The following NLK variants were observed in gnomAD, a reference collection of about 807,000 sequenced individuals.
NLK encodes serine/threonine-protein kinase NLK.
A neutral mutation model predicts 59.0 loss-of-function variants in NLK; 11 were observed. The observed-to-expected ratio is 0.19, with a 90% CI of 0.12 to 0.31. The LOEUF (loss-of-function observed/expected upper bound fraction) is 0.31, where lower values mean the gene tolerates loss of function less well. NLK is among the 10% of genes least tolerant of loss of function. The pLI is 1.00. For missense variants in NLK, 410 were observed against 661.1 expected (o/e 0.62, Z 4.16); for synonymous variants, 235 against 235.9 (o/e 1.00, Z 0.03).
intron 3 of NLK, among the ~76,000 whole-genome samples, chr17:28,159,146 T>A (rs577265047): frequency 6.6e-6 from 1 of 152,060 alleles, no homozygotes; most frequent in South Asian, 2.1e-4. Context: ...AAGGTTGGAG[T>A]GTATCTAGCA....
intron 3 of NLK, among the ~76,000 whole-genome samples, chr17:28,154,590 C>T (rs867535141): frequency 6.6e-6 from 1 of 152,004 alleles, no homozygotes; most frequent in African/African-American, 2.4e-5. Context: ...AAATGGAGTA[C>T]TATTTAAGCA....
chr17:28,120,886 A>T (rs1309681910), intron 1 of NLK, among the ~76,000 whole-genome samples: 3 of 152,216 alleles, frequency 2.0e-5, no homozygotes, highest in Admixed American at 1.3e-4. Flanking sequence ...AAGCAATTTG[A>T]TGAGTGTCTG....
chr17:28,065,335 AG>A lies in NLK; in HGVS notation c.458+22007del, dbSNP rs942025718. Among the ~76,000 whole-genome samples the A allele has an allele frequency of 9.2e-5, 14 of 152,100 alleles. No homozygotes were observed. In the South Asian group the frequency reaches 2.9e-3, roughly 32 times the overall value. On this transcript the variant is annotated intron_variant, in intron 1 of 10. Transcript: ENST00000407008. ...TGATGATGACAGGGGATGAGGGAGA[AG>A]GGCAGCTCAAGCAGAGGGAATTTCA... is the stretch of plus-strand genomic sequence containing the variant.
At chr17:28,190,811 A>G in intron 8 of NLK, 1 of 458,804 alleles carries the variant, frequency 2.2e-6, no homozygotes, top group African/African-American at 2.0e-5. Context: ...GTACTTTGTG[A>G]TGGTAGATAA....
At chr17:28,050,258 A>T (rs1909201133) in intron 1 of NLK, among the ~76,000 whole-genome samples, 1 of 152,150 alleles carries the variant, frequency 6.6e-6, no homozygotes, top group African/African-American at 2.4e-5. Context: ...AGAGTCAACC[A>T]ATGGGGAAGG....
At chr17:28,052,440 C>T (rs1028700402) in intron 1 of NLK, among the ~76,000 whole-genome samples, 1 of 152,088 alleles carries the variant, frequency 6.6e-6, no homozygotes, top group Non-Finnish European at 1.5e-5. Flanking sequence ...GTGGGCCTCC[C>T]AGAAAATGAG....
intron 3 of NLK, among the ~76,000 whole-genome samples, chr17:28,158,134 G>C (rs1019660270): frequency 1.6e-4 from 24 of 152,304 alleles, no homozygotes; most frequent in African/African-American, 5.5e-4. Flanking sequence ...CACAAACCTA[G>C]ATGGTATAGC....
At chr17:28,109,982 A>C (rs1905391307) in intron 1 of NLK, among the ~76,000 whole-genome samples, 2 of 152,216 alleles carry the variant, frequency 1.3e-5, no homozygotes, top group Admixed American at 1.3e-4. Flanking sequence ...GATTACATTG[A>C]ATCTATAAGT....
intron 1 of NLK, among the ~76,000 whole-genome samples, chr17:28,090,620 G>C (rs1216496350): frequency 6.6e-6 from 1 of 152,014 alleles, no homozygotes; most frequent in Non-Finnish European, 1.5e-5. Context: ...ACTTTGGGAG[G>C]CCGAGAGGTG....
At chr17:28,199,665 C>CAAAAAAAAAAAAAAAAAAAAAAAAAA (rs1303411168), downstream of NLK, among the ~76,000 whole-genome samples, 9 of 33,564 alleles carry the variant, frequency 2.7e-4, no homozygotes, top group Admixed American at 4.5e-4. Flanking sequence ...GACTCTGTCT[C>CAAAAAAAAAAAAAAAAAAAAAAAAAA]AAAAAAAAAA....
intron 10 of NLK, 93 bp from the exon 11 acceptor site, chr17:28,194,489 T>G: frequency 1.2e-6 from 1 of 854,222 alleles, no homozygotes; most frequent in Non-Finnish European, 1.8e-6. Context: ...GAATTAATTT[T>G]TTCAGAGGAA....
intron 1 of NLK, 28 bp from the exon 2 acceptor site, chr17:28,122,575 T>TC (rs1567720172): frequency 1.9e-6 from 3 of 1,611,748 alleles, no homozygotes; most frequent in Non-Finnish European, 2.5e-6. Flanking sequence ...GTCTTTTTTT[T>TC]CCCCTTCCCC....
At chr17:28,134,201 C>A (rs1046473747) in intron 3 of NLK, among the ~76,000 whole-genome samples, 1 of 152,096 alleles carries the variant, frequency 6.6e-6, no homozygotes, top group Admixed American at 6.5e-5. Flanking sequence ...AGTTGAAGAC[C>A]AGCCTGGGCA....
chr17:28,137,946 A>G (rs1253992970), intron 3 of NLK, among the ~76,000 whole-genome samples: 2 of 152,112 alleles, frequency 1.3e-5, no homozygotes, highest in African/African-American at 2.4e-5. Flanking sequence ...TAAAGATTAT[A>G]TATTTTTCTG....
At chr17:28,193,415 G>A (rs1236549707) in intron 10 of NLK, among the ~76,000 whole-genome samples, 1 of 152,134 alleles carries the variant, frequency 6.6e-6, no homozygotes, top group Non-Finnish European at 1.5e-5. Flanking sequence ...GGAGAGTTCG[G>A]GTGGACCAAA....
At position 28,047,514 on chromosome 17, in the gene NLK, GTAT is replaced by G. The variant is rs897076987; in HGVS notation, c.458+4187_458+4189del. ...CAGATCATCTGCACTGTTTTAGAAA[GTAT>G]TATGGATTTATATACTGGGAAATTA... On this transcript the variant is annotated intron_variant, in intron 1 of 10. Transcript: ENST00000407008. 2.0e-4 allele frequency among the ~76,000 whole-genome samples: 31 copies of G among 152,158 alleles called. 2 individuals are homozygous for G. The highest frequency in any genetic ancestry group is 1.5e-5 in the Non-Finnish European group (1 of 68,008).
chr17:28,091,167 A>G (rs1300513193), intron 1 of NLK, among the ~76,000 whole-genome samples: 1 of 152,202 alleles, frequency 6.6e-6, no homozygotes, highest in Non-Finnish European at 1.5e-5. Flanking sequence ...AGCAAGTTAT[A>G]TATAAAAGCT....
chr17:28,067,108 C>T (rs1909852903), intron 1 of NLK, among the ~76,000 whole-genome samples: 1 of 152,074 alleles, frequency 6.6e-6, no homozygotes, highest in Non-Finnish European at 1.5e-5. Flanking sequence ...TGGTGAAGTC[C>T]AGTTGATCCA....
chr17:28,162,950 C>T (rs775640878), intron 4 of NLK, among the ~76,000 whole-genome samples: 7 of 151,696 alleles, frequency 4.6e-5, no homozygotes, highest in Non-Finnish European at 1.0e-4. Context: ...AAAAGAAAAA[C>T]GCACACAAAA....
Sources: allele counts gnomAD v4.1 joint callset (sites outside exome capture counted in the v4.1 genomes callset), GRCh38; gene constraint gnomAD v4.1.1; transcripts MANE v1.5; gene names NCBI Gene and HGNC (gene_info 2026-07-23, HGNC 2026-07-21).